SYCE3: variants seen among roughly 807,000 people sequenced by gnomAD.
SYCE3 encodes testis highly expressed gene 2 protein.
In SYCE3, 3 loss-of-function variants were observed where a neutral mutation model predicts 8.1. The observed-to-expected ratio is 0.37, with a 90% CI of 0.17 to 0.96. The LOEUF is 0.96. Ranked by LOEUF, SYCE3 falls within the 40% of genes least tolerant of loss-of-function variation. The pLI is 0.41. For missense variants in SYCE3, 83 were observed against 110.0 expected (o/e 0.75, Z 1.10); for synonymous variants, 36 against 38.7 (o/e 0.93, Z 0.26).
At chr22:50,551,960 A>T (rs2069813953) in intron 2 of SYCE3, among the ~76,000 whole-genome samples, 1 of 152,168 alleles carries the variant, frequency 6.6e-6, no homozygotes, top group Admixed American at 6.5e-5. Context: ...CAATGCACTG[A>T]TGGGCTCTCT....
chr22:50,556,503 C>G, intron 1 of SYCE3, 98 bp from the exon 2 acceptor site: 1 of 856,934 alleles, frequency 1.2e-6, no homozygotes, highest in Non-Finnish European at 1.8e-6. Flanking sequence ...GGAATTCTTT[C>G]CCCATCTCTC....
chr22:50,553,089 T>G (rs2069826394), intron 2 of SYCE3, among the ~76,000 whole-genome samples: 1 of 152,096 alleles, frequency 6.6e-6, no homozygotes, highest in South Asian at 2.1e-4. Context: ...TTGCAACTAC[T>G]CAGGAGGCTG....
intron 2 of SYCE3, among the ~76,000 whole-genome samples, chr22:50,553,144 G>C (rs1002784199): frequency 6.6e-6 from 1 of 152,280 alleles, no homozygotes; most frequent in Admixed American, 6.5e-5. Flanking sequence ...GGAGGTTGCA[G>C]TGAGCCAAGA....
At chr22:50,555,739 T>C (rs2148698752) in intron 2 of SYCE3, among the ~76,000 whole-genome samples, 1 of 151,642 alleles carries the variant, frequency 6.6e-6, no homozygotes. Flanking sequence ...ATCTATAACC[T>C]GGAATCATCC....
At position 50,556,313 on chromosome 22, in the gene SYCE3, C is replaced by T. The variant is rs1325772821; in HGVS notation, c.93G>A (p.Glu31=). The T allele has an allele frequency of 5.2e-6, 8 of 1,551,284 alleles. No individual in the cohort carries two copies. In the South Asian group the frequency reaches 9.5e-5, roughly 18 times the overall value. Residue 31 remains glutamate, a synonymous_variant, in exon 2 of 3, where the codon GAG becomes GAA. Transcript: ENST00000406915. The part of the protein sequence containing the change: ...LNKDLEKLLE[E]MEKISVQATW... Reference sequence around the variant, plus strand: ...ACATCCTACCTGAGATTTTCTCCATCTCTTCTAATAGCTTTTCCAAGTCCT... The same window carrying T: ...ACATCCTACCTGAGATTTTCTCCATTTCTTCTAATAGCTTTTCCAAGTCCT...
chr22:50,551,581 T>A (rs565965194), intron 2 of SYCE3, among the ~76,000 whole-genome samples, 179 bp from the exon 3 acceptor site: 1 of 152,218 alleles, frequency 6.6e-6, no homozygotes, highest in South Asian at 2.1e-4. Context: ...TCATAAAAAC[T>A]CCCTACAAAC....
At chr22:50,557,416 A>G (rs1236391601) in intron 1 of SYCE3, among the ~76,000 whole-genome samples, 1 of 152,132 alleles carries the variant, frequency 6.6e-6, no homozygotes, top group Non-Finnish European at 1.5e-5. Flanking sequence ...TCGGCCTCCC[A>G]AAGTGCTGAG....
At chr22:50,555,870 T>G (rs2069855369) in intron 2 of SYCE3, among the ~76,000 whole-genome samples, 2 of 150,418 alleles carry the variant, frequency 1.3e-5, no homozygotes. Flanking sequence ...CTCGGCTCAC[T>G]GCAAGCTCCA....
chr22:50,559,911 G>A (rs773170778), intron 1 of SYCE3, among the ~76,000 whole-genome samples: 1 of 152,156 alleles, frequency 6.6e-6, no homozygotes, highest in African/African-American at 2.4e-5. Context: ...CTGGGTGACA[G>A]AGCAACACTC....
At chr22:50,554,779 G>A (rs563994189) in intron 2 of SYCE3, among the ~76,000 whole-genome samples, 1 of 151,268 alleles carries the variant, frequency 6.6e-6, no homozygotes, top group South Asian at 2.1e-4. Context: ...CAGATCACAA[G>A]GTCAGGAGAT....
At chr22:50,556,512 TCA>T (rs1202436252) in intron 1 of SYCE3, 107 bp from the exon 2 acceptor site, 5 of 798,192 alleles carry the variant, frequency 6.3e-6, no homozygotes, top group Non-Finnish European at 1.0e-5. Flanking sequence ...TCCCCATCTC[TCA>T]GATTCAGACA....
At chr22:50,553,317 C>A (rs1181132344) in intron 2 of SYCE3, among the ~76,000 whole-genome samples, 1 of 152,110 alleles carries the variant, frequency 6.6e-6, no homozygotes, top group Non-Finnish European at 1.5e-5. Flanking sequence ...TACAATAATC[C>A]TCTAGAGAGG....
chr22:50,556,100 T>C (rs1358886941), intron 2 of SYCE3, among the ~76,000 whole-genome samples, 197 bp downstream of exon 2: 1 of 152,138 alleles, frequency 6.6e-6, no homozygotes, highest in East Asian at 1.9e-4. Context: ...GCCGAACCAG[T>C]GTACATCTTA....
intron 1 of SYCE3, among the ~76,000 whole-genome samples, chr22:50,560,033 A>C (rs1401699201): frequency 6.6e-6 from 1 of 152,232 alleles, no homozygotes; most frequent in Non-Finnish European, 1.5e-5. Flanking sequence ...TGGCTGGAAC[A>C]AGAGCCCAAT....
intron 2 of SYCE3, among the ~76,000 whole-genome samples, chr22:50,552,781 T>A (rs2069823311): frequency 6.6e-6 from 1 of 152,140 alleles, no homozygotes; most frequent in Non-Finnish European, 1.5e-5. Context: ...AGGTCGGGTC[T>A]TTTGGAGATG....
In SYCE3 at chr22:50,551,260, G is replaced by A; in HGVS notation, c.252C>T (p.Thr84=). The A allele has an allele frequency of 1.3e-6, 2 of 1,551,376 alleles. No homozygotes were observed. The highest frequency in any genetic ancestry group is 1.2e-5 in the South Asian group (1 of 84,062). ...CCAGTGGGGCCTACAGCCTTTGCTTGGTCTCATGCAGCAGCTCTTGCCAGT... is the reference window on the plus strand; with the variant it reads ...CCAGTGGGGCCTACAGCCTTTGCTTAGTCTCATGCAGCAGCTCTTGCCAGT... ...EKNWQELLHE[T]KQRL is the part of the protein sequence containing the mutation. Residue 84 remains threonine, a synonymous_variant, in exon 3 of 3, where the codon ACC becomes ACT. Coordinates refer to ENST00000406915, the MANE Select transcript of SYCE3 (RefSeq NM_001123225.3).
chr22:50,553,225 A>ATAAATAAATAAAT (rs1279349718), intron 2 of SYCE3, among the ~76,000 whole-genome samples: 1 of 152,000 alleles, frequency 6.6e-6, no homozygotes, highest in African/African-American at 2.4e-5. Flanking sequence ...AAATAAATAA[A>ATAAATAAATAAAT]ATCCCAAAGT....
chr22:50,559,524 C>T (rs1379118551), intron 1 of SYCE3, among the ~76,000 whole-genome samples: 1 of 152,158 alleles, frequency 6.6e-6, no homozygotes, highest in Non-Finnish European at 1.5e-5. Flanking sequence ...ATCACTCTGG[C>T]TTCTGTGTTG....
chr22:50,558,440 AAAAG>A (rs1163779048), intron 1 of SYCE3, among the ~76,000 whole-genome samples: 2 of 152,044 alleles, frequency 1.3e-5, no homozygotes, highest in African/African-American at 2.4e-5. Flanking sequence ...TCAAAAAAAA[AAAAG>A]AAAGAAAATT....
Sources: gnomAD v4.1 joint callset for allele counts (sites outside exome capture counted in the v4.1 genomes callset) on GRCh38, gnomAD v4.1.1 for gene constraint, MANE v1.5 for transcripts, NCBI Gene and HGNC (gene_info 2026-07-23, HGNC 2026-07-21) for gene names.